Variants in DOCK8 observed in about 807,000 individuals in gnomAD.
DOCK8 encodes the protein dedicator of cytokinesis protein 8.
Under a neutral mutation model 245.6 loss-of-function variants are expected in DOCK8, and 141 were observed. The observed-to-expected ratio is 0.57, with a 90% CI of 0.50 to 0.66. The LOEUF (loss-of-function observed/expected upper bound fraction) is 0.66, where lower values mean the gene tolerates loss of function less well. DOCK8 is among the 30% of genes least tolerant of loss of function. DOCK8 has a pLI of 0.00. For missense variants in DOCK8, 2,965 were observed against 2,603.4 expected (o/e 1.14, Z -3.02); for synonymous variants, 1,168 against 970.2 (o/e 1.20, Z -3.79).
intron 1 of DOCK8, chr9:215,388 G>A: frequency 6.3e-7 from 1 of 1,583,740 alleles, no homozygotes; most frequent in Non-Finnish European, 8.6e-7. Context: ...GCGCCACGGA[G>A]TGTCTCATAA....
intron 12 of DOCK8, among the ~76,000 whole-genome samples, chr9:337,165 T>C (rs1348606036): frequency 6.6e-6 from 1 of 152,168 alleles, no homozygotes; most frequent in African/African-American, 2.4e-5. Flanking sequence ...AAGGCTCCAC[T>C]TCCCAACACT....
At chr9:403,936 A>ACG (rs2055267569) in intron 26 of DOCK8, among the ~76,000 whole-genome samples, 3 of 83,946 alleles carry the variant, frequency 3.6e-5, no homozygotes, top group African/African-American at 2.3e-4. Flanking sequence ...ATATGTGTAT[A>ACG]TATATATGTG....
chr9:300,362 C>T (rs554952844), intron 4 of DOCK8, among the ~76,000 whole-genome samples: 3 of 152,182 alleles, frequency 2.0e-5, no homozygotes, highest in Admixed American at 1.3e-4. Flanking sequence ...CCAATATCAC[C>T]TCATGTCCCT....
At chr9:449,750 C>A in intron 44 of DOCK8, 34 bp from the exon 45 acceptor site, 1 of 1,612,118 alleles carries the variant, frequency 6.2e-7, no homozygotes, top group Non-Finnish European at 8.5e-7. Flanking sequence ...TGAGACCAGA[C>A]AGTGACTTCC....
At chr9:288,052 G>C (rs1041193694) in intron 3 of DOCK8, among the ~76,000 whole-genome samples, 12 of 150,222 alleles carry the variant, frequency 8.0e-5, no homozygotes, top group African/African-American at 3.0e-4. Flanking sequence ...TTAGAGGAAG[G>C]AGGAGGTTTT....
At chr9:408,902 G>GCGCACACA (rs1554696155) in intron 28 of DOCK8, among the ~76,000 whole-genome samples, 1 of 107,226 alleles carries the variant, frequency 9.3e-6, no homozygotes, top group African/African-American at 4.8e-5. Flanking sequence ...ACACGCGCGT[G>GCGCACACA]CACATGCACA....
intron 14 of DOCK8, among the ~76,000 whole-genome samples, chr9:342,767 C>A (rs1160939353): frequency 1.3e-5 from 2 of 152,176 alleles, no homozygotes; most frequent in Non-Finnish European, 2.9e-5. Context: ...CATGCCCATC[C>A]TGTTATTCCT....
intron 1 of DOCK8, among the ~76,000 whole-genome samples, chr9:263,583 G>A (rs957953078): frequency 1.3e-5 from 2 of 152,076 alleles, no homozygotes; most frequent in Non-Finnish European, 2.9e-5. Context: ...TTCCCTTTGG[G>A]ATTGCTTTTC....
chr9:432,342 C>A lies in DOCK8; in HGVS notation c.4785+18C>A, dbSNP rs2056748576. 6.2e-7 allele frequency: 1 copy of A among 1,613,788 alleles called. No individual in the cohort carries two copies. The highest frequency in any genetic ancestry group is 2.2e-5 in the East Asian group (1 of 44,874). On this transcript the variant is annotated intron_variant, in intron 37 of 47. Coordinates refer to ENST00000432829, the MANE Select transcript of DOCK8 (RefSeq NM_203447.4). ...CCACCCAGGTACACCGAAGCACATA[C>A]CTTGTCTCATGCATGAGTTTGGGAT...
At chr9:307,249 G>C (rs767041906) in intron 5 of DOCK8, among the ~76,000 whole-genome samples, 2 of 150,884 alleles carry the variant, frequency 1.3e-5, no homozygotes, top group African/African-American at 4.9e-5. Flanking sequence ...AGAAACAATA[G>C]GTGAAGACCA....
At chr9:243,279 C>T (rs1015348361) in intron 1 of DOCK8, among the ~76,000 whole-genome samples, 5 of 152,144 alleles carry the variant, frequency 3.3e-5, no homozygotes, top group African/African-American at 4.8e-5. Context: ...TTTCAATTCG[C>T]GTCTAGCCCC....
chr9:271,594 C>A, intron 1 of DOCK8, 33 bp from the exon 2 acceptor site: 21 of 1,416,636 alleles, frequency 1.5e-5, no homozygotes, highest in Admixed American at 2.0e-5. Flanking sequence ...CTAAAATAAT[C>A]ATTTCATTTA....
chr9:441,482 C>T (rs2057093486), intron 41 of DOCK8, 65 bp downstream of exon 41: 2 of 1,608,498 alleles, frequency 1.2e-6, no homozygotes, highest in East Asian at 2.2e-5. Context: ...CCTACAGATG[C>T]TTAGCCATCC....
chr9:324,012 G>A (rs2050641249), intron 7 of DOCK8, among the ~76,000 whole-genome samples: 1 of 152,162 alleles, frequency 6.6e-6, no homozygotes, highest in African/African-American at 2.4e-5. Context: ...CATTATACGT[G>A]ATCCTCACAA....
rs750977294 is a variant in DOCK8 at position 442,027 on chromosome 9, G to T, written c.5490+18G>T. 4 of 1,613,686 alleles carry T rather than the reference G, an allele frequency of 2.5e-6. No individual in the cohort carries two copies. The Admixed American group carries it at 5.0e-5, about 20-fold the overall frequency. ...GACTAGAGGTAAGAAAAGTGATTCT[G>T]TGCGCCTGACCTGGTACACTTTACA... On this transcript the variant is annotated intron_variant, in intron 42 of 47. Coordinates refer to ENST00000432829, the MANE Select transcript of DOCK8 (RefSeq NM_203447.4).
At position 388,963 on chromosome 9, in the gene DOCK8, T is replaced by C. The variant is rs1390897073; in HGVS notation, c.2875-1508T>C. 2.6e-5 allele frequency among the ~76,000 whole-genome samples: 4 copies of C among 152,150 alleles called. No individual in the cohort carries two copies. The East Asian group carries it at 5.8e-4, about 22-fold the overall frequency. On this transcript the variant is annotated intron_variant, in intron 23 of 47. Coordinates refer to ENST00000432829, the MANE Select transcript of DOCK8 (RefSeq NM_203447.4). Reference sequence around the variant, plus strand: ...TGCAAATAAGGATATGATATTAGGGTGTTCAAATAGCTTTAGCTTTCTTAC... The same window carrying C: ...TGCAAATAAGGATATGATATTAGGGCGTTCAAATAGCTTTAGCTTTCTTAC...
chr9:343,677 C>T (rs75148444), intron 14 of DOCK8, among the ~76,000 whole-genome samples: 7,089 of 152,180 alleles, frequency 0.047, 571 homozygotes, highest in African/African-American at 0.16. Context: ...ACGTCTCCCT[C>T]CTAGAGGAGA....
chr9:393,104 AAAAAAAAAAAG>A (rs1486830027), intron 24 of DOCK8, among the ~76,000 whole-genome samples: 10 of 150,158 alleles, frequency 6.7e-5, no homozygotes, highest in African/African-American at 2.5e-4. Flanking sequence ...AAAAAAAAAA[AAAAAAAAAAAG>A]AAGAAGAAGA....
intron 16 of DOCK8, among the ~76,000 whole-genome samples, 158 bp from the exon 17 acceptor site, chr9:371,270 T>C (rs1237023743): frequency 6.6e-6 from 1 of 152,128 alleles, no homozygotes; most frequent in Non-Finnish European, 1.5e-5. Flanking sequence ...TAACATAAGC[T>C]TGGTCTCAGG....
Sources: gnomAD v4.1 joint callset for allele counts (sites outside exome capture counted in the v4.1 genomes callset) on GRCh38, gnomAD v4.1.1 for gene constraint, MANE v1.5 for transcripts, NCBI Gene and HGNC (gene_info 2026-07-23, HGNC 2026-07-21) for gene names.